Variants in PCDHGB7 observed in about 807,000 individuals in gnomAD.
PCDHGB7 encodes the protein protocadherin gamma-B7.
In PCDHGB7, 37 loss-of-function variants were observed where a neutral mutation model predicts 61.4. The ratio of observed to expected loss-of-function variants is 0.60; its 90% CI spans 0.46 to 0.79. PCDHGB7 has a LOEUF of 0.79. Ranked by LOEUF, PCDHGB7 falls within the 30% of genes least tolerant of loss-of-function variation. PCDHGB7 has a pLI of 0.00. For synonymous variants in PCDHGB7, 464 were observed against 503.5 expected (o/e 0.92, Z 1.05); for missense variants, 1,166 against 1,202.5 (o/e 0.97, Z 0.45).
At chr5:141,433,084 T>G in intron 1 of PCDHGB7, 1 of 1,614,184 alleles carries the variant, frequency 6.2e-7, no homozygotes, top group Non-Finnish European at 8.5e-7. Flanking sequence ...AGCCCAACTA[T>G]GCAGACATGC....
chr5:141,471,906 G>A (rs1376234079), intron 1 of PCDHGB7, among the ~76,000 whole-genome samples: 2 of 152,192 alleles, frequency 1.3e-5, no homozygotes, highest in African/African-American at 4.8e-5. Context: ...CTACAGACAA[G>A]CATGAGGGAA....
intron 1 of PCDHGB7, among the ~76,000 whole-genome samples, chr5:141,448,952 C>A (rs1278778374): frequency 2.6e-5 from 4 of 151,698 alleles, no homozygotes; most frequent in Non-Finnish European, 5.9e-5. Flanking sequence ...CTCAAAAAAA[C>A]AAACAAACAA....
intron 1 of PCDHGB7, 136 bp downstream of exon 1, chr5:141,420,410 A>G (rs2096494809): frequency 2.4e-6 from 3 of 1,236,296 alleles, no homozygotes; most frequent in South Asian, 4.4e-5. Flanking sequence ...TATGGTTATC[A>G]TTATTAAAAC....
chr5:141,477,453 A>G lies in PCDHGB7; in HGVS notation c.2416-17354A>G, dbSNP rs886363658. 1 of 1,614,018 alleles carries G rather than the reference A, an allele frequency of 6.2e-7. No homozygotes were observed. Among genetic ancestry groups the G allele is most frequent in the African/African-American group, 1.3e-5 (1 of 74,910 alleles). The stretch of plus-strand genomic sequence containing the variant: ...TCAGCCCTTACAATAGTGCGTGTTC[A>G]AGTGTCCGACATCAATGACAACCCT... On this transcript the variant is annotated intron_variant, in intron 1 of 3. Coordinates refer to ENST00000398594, the MANE Select transcript of PCDHGB7 (RefSeq NM_018927.4). This position sits in a 1 kb window ranked among gnomAD's most constrained non-coding sequence, Gnocchi z 4.9.
Position 141,432,563 on chromosome 5 carries a change from G to T in PCDHGB7, c.2415+12289G>T. 2 of 1,613,912 alleles carry T rather than the reference G, an allele frequency of 1.2e-6. No homozygotes were observed. Among genetic ancestry groups the T allele is most frequent in the Non-Finnish European group, 1.7e-6 (2 of 1,179,996 alleles). The stretch of plus-strand genomic sequence containing the variant: ...GGTGGACAGAGACTCCGGCCAGAAC[G>T]CCTGGCTGTCCTACCGTCTGCTCAA... On this transcript the variant is annotated intron_variant, in intron 1 of 3. Transcript: ENST00000398594. The surrounding 1 kb of genome is among the most constrained non-coding windows in gnomAD (Gnocchi z 6.0).
intron 1 of PCDHGB7, among the ~76,000 whole-genome samples, chr5:141,445,740 A>T (rs993128906): frequency 2.6e-5 from 4 of 152,226 alleles, no homozygotes; most frequent in Admixed American, 1.3e-4. Flanking sequence ...AGATCTTTTT[A>T]AAAAATAAAA....
At chr5:141,502,781 C>G (rs1360359268) in intron 2 of PCDHGB7, among the ~76,000 whole-genome samples, 2 of 151,658 alleles carry the variant, frequency 1.3e-5, no homozygotes, top group Non-Finnish European at 2.9e-5. Flanking sequence ...TGAAAATTAC[C>G]TGGATGATTT....
chr5:141,441,737 C>T lies in PCDHGB7; in HGVS notation c.2415+21463C>T, dbSNP rs2098268916. 5 of 365,122 alleles carry T rather than the reference C, an allele frequency of 1.4e-5. 1 individual carries two copies. The highest frequency in any genetic ancestry group is 1.1e-4 in the South Asian group (5 of 46,286). 22.6% of individuals were successfully genotyped at this position (365,122 alleles called of 1,614,324 possible). ...TGCAGGCCCGCGACCAGGACTAGCT[C>T]GCGCTCGGCGTCAACGTGAGCCTGC... On this transcript the variant is annotated intron_variant, in intron 1 of 3. Transcript: ENST00000398594.
At position 141,487,796 on chromosome 5, in the gene PCDHGB7, T is replaced by C. The variant is rs766798983; in HGVS notation, c.2416-7011T>C. ...TAACTGTTTCGTGAATTAACCAGAG[T>C]TGTCACAGTTTAGCATTGGGGGCGG... On this transcript the variant is annotated intron_variant, in intron 1 of 3. Coordinates refer to ENST00000398594, the MANE Select transcript of PCDHGB7 (RefSeq NM_018927.4). The surrounding 1 kb of genome is among the most constrained non-coding windows in gnomAD (Gnocchi z 5.0). 15 of 1,498,660 alleles carry C rather than the reference T, an allele frequency of 1.0e-5. No homozygotes were observed. The highest frequency in any genetic ancestry group is 1.4e-5 in the Non-Finnish European group (15 of 1,110,900). 92.8% of individuals were successfully genotyped at this position (1,498,660 alleles called of 1,614,324 possible). A position where few individuals can be genotyped will look rare whatever the true frequency, so the allele number is the denominator to read the frequency against.
chr5:141,506,506 C>T (rs1279198463), intron 3 of PCDHGB7, among the ~76,000 whole-genome samples: 2 of 151,030 alleles, frequency 1.3e-5, no homozygotes. Context: ...GATTCAAATC[C>T]TGGCACCTGG....
chr5:141,437,719 TA>T (rs1316054877), intron 1 of PCDHGB7, among the ~76,000 whole-genome samples: 1 of 151,332 alleles, frequency 6.6e-6, no homozygotes, highest in African/African-American at 2.4e-5. Context: ...AGTTACCCTC[TA>T]ATGTTACACT....
chr5:141,448,974 C>T (rs937711828), intron 1 of PCDHGB7, among the ~76,000 whole-genome samples: 5 of 151,994 alleles, frequency 3.3e-5, no homozygotes, highest in African/African-American at 1.2e-4. Context: ...CAAAAAAGAA[C>T]TTCCATATTA....
In PCDHGB7 at chr5:141,511,540, C is replaced by CTA; in HGVS notation, c.*367_*368insTA. ...ATCCCATGCCTCCCTCCTCCCCACC[C>CTA]CACTCCAACAGTTCCTCTTTCCCGA... On this transcript the variant is annotated 3_prime_UTR_variant, in exon 4 of 4. Transcript: ENST00000398594. 3.0e-6 allele frequency: 1 copy of CTA among 328,024 alleles called. No individual in the cohort carries two copies. Among genetic ancestry groups the CTA allele is most frequent in the South Asian group, 3.2e-5 (1 of 31,610 alleles). 20.3% of individuals were successfully genotyped at this position (328,024 alleles called of 1,614,324 possible). A position where few individuals can be genotyped will look rare whatever the true frequency, so the allele number is the denominator to read the frequency against.
chr5:141,441,797 G>A, intron 1 of PCDHGB7: 2 of 386,536 alleles, frequency 5.2e-6, no homozygotes, highest in Non-Finnish European at 1.0e-5. Context: ...ACAACGCACC[G>A]CGGGTGCTGT....
intron 1 of PCDHGB7, among the ~76,000 whole-genome samples, chr5:141,459,563 C>CAAAACAGAATT (rs1554142058): frequency 5.3e-5 from 8 of 152,044 alleles, no homozygotes; most frequent in Non-Finnish European, 2.9e-5. Context: ...ATAAATACCC[C>CAAAACAGAATT]AAAACAGAAT....
rs770468191 is a variant in PCDHGB7, at chr5:141,478,296, A to G, written c.2416-16511A>G. On this transcript the variant is annotated intron_variant, in intron 1 of 3. Coordinates refer to ENST00000398594, the MANE Select transcript of PCDHGB7 (RefSeq NM_018927.4). ...AAGTGGAAGCAGTCTAGAGACCTAT[A>G]CCGAGCCCCGGTGAGCTCACTGTAC... is the stretch of plus-strand genomic sequence containing the variant. The G allele has an allele frequency of 9.3e-6, 15 of 1,613,962 alleles. No individual in the cohort carries two copies. Among genetic ancestry groups the G allele is most frequent in the African/African-American group, 6.7e-5 (5 of 74,930 alleles).
In PCDHGB7 at chr5:141,432,330, A is replaced by G. The variant is rs760184218; in HGVS notation, c.2415+12056A>G. 82 of 1,614,134 alleles carry G rather than the reference A, an allele frequency of 5.1e-5. No individual in the cohort carries two copies. The highest frequency in any genetic ancestry group is 6.8e-5 in the Non-Finnish European group (80 of 1,180,048). Reference sequence around the variant, plus strand: ...GCGCTGAGCTCCTTCGACTACGAGCAGTTCCGAGACTTGCAAGTGAAAGTG... The same window carrying G: ...GCGCTGAGCTCCTTCGACTACGAGCGGTTCCGAGACTTGCAAGTGAAAGTG... On this transcript the variant is annotated intron_variant, in intron 1 of 3. Transcript: ENST00000398594. The surrounding 1 kb of genome is among the most constrained non-coding windows in gnomAD (Gnocchi z 6.0).
In PCDHGB7 at chr5:141,420,084, A is replaced by G. The variant is rs1454284559; in HGVS notation, c.2225A>G (p.Asn742Ser). The G allele has an allele frequency of 2.5e-6, 4 of 1,613,890 alleles. No individual in the cohort carries two copies. Among genetic ancestry groups the G allele is most frequent in the African/African-American group, 1.3e-5 (1 of 74,936 alleles). ...CSKSGPVGPP[N>S]YSEGTLPYAY... Reference sequence around the variant, plus strand: ...AAGTCCGGACCTGTGGGTCCCCCCAACTACAGTGAGGGAACGTTGCCCTAT... The same window carrying G: ...AAGTCCGGACCTGTGGGTCCCCCCAGCTACAGTGAGGGAACGTTGCCCTAT... The change falls in exon 1 of 4, where the codon AAC (asparagine) becomes AGC (serine). Residue 742 changes from asparagine (N) to serine (S), a missense_variant. Coordinates refer to ENST00000398594, the MANE Select transcript of PCDHGB7 (RefSeq NM_018927.4).
chr5:141,461,560 T>G (rs1355320881), intron 1 of PCDHGB7, among the ~76,000 whole-genome samples: 1 of 152,234 alleles, frequency 6.6e-6, no homozygotes, highest in African/African-American at 2.4e-5. Context: ...ATGTGTACTT[T>G]GCAAAGATAA....
Sources: allele counts gnomAD v4.1 joint callset (sites outside exome capture counted in the v4.1 genomes callset), GRCh38; gene constraint gnomAD v4.1.1; non-coding constraint Gnocchi (gnomAD v3.1); transcripts MANE v1.5; gene names NCBI Gene and HGNC (gene_info 2026-07-23, HGNC 2026-07-21).